Variants in PICALM observed in about 807,000 individuals in gnomAD.
PICALM encodes the protein phosphatidylinositol-binding clathrin assembly protein.
Under a neutral mutation model 80.5 loss-of-function variants are expected in PICALM, and 40 were observed. The observed-to-expected ratio is 0.50, with a 90% CI of 0.39 to 0.65. PICALM has a LOEUF of 0.65. Ranked by LOEUF, PICALM falls within the 30% of genes least tolerant of loss-of-function variation. The pLI is 0.00. For synonymous variants in PICALM, 288 were observed against 260.3 expected (o/e 1.11, Z -1.02); for missense variants, 676 against 778.9 (o/e 0.87, Z 1.57).
At chr11:86,020,832 C>G (rs1406101246) in intron 4 of PICALM, among the ~76,000 whole-genome samples, 3 of 151,924 alleles carry the variant, frequency 2.0e-5, no homozygotes, top group Non-Finnish European at 4.4e-5. Flanking sequence ...ACAATGATTT[C>G]TTAGACATGA....
rs923509116 is a variant in PICALM, at chr11:85,981,280, C to A, written c.1680-52G>T. 6.6e-6 allele frequency: 7 copies of A among 1,063,306 alleles called. No individual in the cohort carries two copies. The African/African-American group carries it at 7.9e-5, about 12-fold the overall frequency. The allele number at this position is 1,063,306 out of a possible 1,614,324, so 65.9% of individuals were successfully genotyped here. On this transcript the variant is annotated intron_variant, in intron 16 of 19. Coordinates refer to ENST00000393346, the MANE Select transcript of PICALM (RefSeq NM_007166.4). The stretch of plus-strand genomic sequence containing the variant: ...TAAATGTCTCTAATTATAAAGTTTC[C>A]TTAGCTATATACTTATATAGAACAG...
chr11:86,041,647 G>A (rs1174239103), intron 1 of PICALM, among the ~76,000 whole-genome samples: 5 of 152,120 alleles, frequency 3.3e-5, no homozygotes, highest in Admixed American at 6.5e-5. Flanking sequence ...CTGAACCCAA[G>A]CCAAATTTAC....
chr11:86,033,269 G>GGT (rs60585705), intron 1 of PICALM, among the ~76,000 whole-genome samples: 91,030 of 151,522 alleles, frequency 0.6, 27,499 homozygotes, highest in East Asian at 0.67. Context: ...CATGGTGCAT[G>GGT]GTGTGTGTGT....
At chr11:86,008,519 C>A (rs553585290) in intron 7 of PICALM, among the ~76,000 whole-genome samples, 1 of 152,028 alleles carries the variant, frequency 6.6e-6, no homozygotes, top group South Asian at 2.1e-4. Flanking sequence ...ACTCAGCAGG[C>A]TGAAGCAGGA....
In PICALM at chr11:85,990,356, T is replaced by C; in HGVS notation, c.1302A>G (p.Pro434=). 1 of 1,608,428 alleles carries C rather than the reference T, an allele frequency of 6.2e-7. No individual in the cohort carries two copies. Among genetic ancestry groups the C allele is most frequent in the Non-Finnish European group, 8.5e-7 (1 of 1,175,440 alleles). Residue 434 remains proline (P), a synonymous_variant, in exon 13 of 20, where the codon CCA becomes CCG. Coordinates refer to ENST00000393346, the MANE Select transcript of PICALM (RefSeq NM_007166.4). The part of the protein sequence containing the change: ...ATVDAVDDAI[P]SLNPFLTKSS... ...TTTTTGTGAGGAAAGGATTTAAGCT[T>C]GGAATGGCATCATCAACAGCATCTA...
chr11:85,996,334 T>C (rs2094959510), intron 12 of PICALM, among the ~76,000 whole-genome samples: 1 of 152,070 alleles, frequency 6.6e-6, no homozygotes, highest in Non-Finnish European at 1.5e-5. Flanking sequence ...AAAAAAACAT[T>C]TAAAACATTT....
chr11:85,987,225 T>C (rs1248870901), intron 13 of PICALM, among the ~76,000 whole-genome samples: 2 of 152,188 alleles, frequency 1.3e-5, no homozygotes, highest in Non-Finnish European at 2.9e-5. Flanking sequence ...ACATAGTTAT[T>C]ATTATCCCTG....
chr11:86,033,339 T>A (rs1354555364), intron 1 of PICALM, among the ~76,000 whole-genome samples: 1 of 152,176 alleles, frequency 6.6e-6, no homozygotes, highest in Non-Finnish European at 1.5e-5. Flanking sequence ...TGTACATATA[T>A]CCATACTATA....
At chr11:85,985,289 T>C (rs12224233) in intron 13 of PICALM, among the ~76,000 whole-genome samples, 32,178 of 152,098 alleles carry the variant, frequency 0.21, 3,782 homozygotes, top group East Asian at 0.48. Flanking sequence ...TGGTGAGATG[T>C]CCAAGAAGGT....
At position 85,969,045 on chromosome 11, in the gene PICALM, G is replaced by A. The variant is rs1040202027; in HGVS notation, c.1944+5663C>T. 3.6e-4 allele frequency among the ~76,000 whole-genome samples: 54 copies of A among 151,106 alleles called. 1 individual carries two copies. The highest frequency in any genetic ancestry group is 5.3e-4 in the Admixed American group (8 of 15,146). ...GAATTCATAAGTTCAAAGCTACAGCGCAGTCTACTGAATTAAAGCCATAAT... is the reference window on the plus strand; with the variant it reads ...GAATTCATAAGTTCAAAGCTACAGCACAGTCTACTGAATTAAAGCCATAAT... On this transcript the variant is annotated intron_variant, in intron 19 of 19. Transcript: ENST00000393346.
At chr11:86,055,822 T>C (rs1367560258) in intron 1 of PICALM, among the ~76,000 whole-genome samples, 5 of 152,054 alleles carry the variant, frequency 3.3e-5, no homozygotes, top group Admixed American at 1.3e-4. Context: ...CTTAGATATA[T>C]CGAAAGCACA....
intron 2 of PICALM, among the ~76,000 whole-genome samples, chr11:86,027,498 G>A (rs1360841401): frequency 6.7e-6 from 1 of 149,884 alleles, no homozygotes; most frequent in Non-Finnish European, 1.5e-5. Context: ...TCTGAAATCA[G>A]TATTTTTTTT....
In PICALM at chr11:85,971,911, T is replaced by C. The variant is rs184145563; in HGVS notation, c.1944+2797A>G. 4.0e-3 allele frequency among the ~76,000 whole-genome samples: 613 copies of C among 152,128 alleles called. 5 individuals carry two copies. Among genetic ancestry groups the C allele is most frequent in the African/African-American group, 0.014 (581 of 41,530 alleles). On this transcript the variant is annotated intron_variant, in intron 19 of 19. Coordinates refer to ENST00000393346, the MANE Select transcript of PICALM (RefSeq NM_007166.4). ...AATTCCCCCACCTCAGCCTCCCAAG[T>C]AGCTGGGATTCCAGACATGCACCAC... is the stretch of plus-strand genomic sequence containing the variant.
chr11:86,051,310 G>C lies in PICALM; in HGVS notation c.130+17341C>G, dbSNP rs544105347. On this transcript the variant is annotated intron_variant, in intron 1 of 19. Coordinates refer to ENST00000393346, the MANE Select transcript of PICALM (RefSeq NM_007166.4). ...TAACAGATTTTTGTGAGGTCATATG[G>C]AGCTAGGGTCAGTACCCTACATTCC... Among the ~76,000 whole-genome samples the C allele has an allele frequency of 2.6e-5, 4 of 152,250 alleles. No homozygotes were observed. The East Asian group carries it at 5.8e-4, about 22-fold the overall frequency.
chr11:86,038,527 A>G (rs1411472803), intron 1 of PICALM, among the ~76,000 whole-genome samples: 3 of 151,942 alleles, frequency 2.0e-5, no homozygotes, highest in African/African-American at 7.3e-5. Context: ...TCACGCCTGG[A>G]ATCCCAGCAC....
intron 4 of PICALM, among the ~76,000 whole-genome samples, chr11:86,019,943 T>C (rs1262637565): frequency 6.6e-6 from 1 of 152,194 alleles, no homozygotes; most frequent in Non-Finnish European, 1.5e-5. Flanking sequence ...TTTCTGTACA[T>C]GCCAGATTCC....
At chr11:86,039,265 T>C (rs904856725) in intron 1 of PICALM, among the ~76,000 whole-genome samples, 1 of 152,116 alleles carries the variant, frequency 6.6e-6, no homozygotes, top group African/African-American at 2.4e-5. Flanking sequence ...CATGGTGACA[T>C]GCACCTGTAG....
At chr11:85,965,802 A>ATTTTTTTTT (rs1202220050) in intron 19 of PICALM, among the ~76,000 whole-genome samples, 3 of 105,756 alleles carry the variant, frequency 2.8e-5, no homozygotes, top group African/African-American at 7.3e-5. Flanking sequence ...TGCATTACCC[A>ATTTTTTTTT]TTTTGTTTTT....
At chr11:86,049,358 T>C (rs1350527647) in intron 1 of PICALM, among the ~76,000 whole-genome samples, 1 of 152,170 alleles carries the variant, frequency 6.6e-6, no homozygotes, top group African/African-American at 2.4e-5. Context: ...AACTATCCAG[T>C]TAACTTATTT....
Sources: gnomAD v4.1 joint callset for allele counts (sites outside exome capture counted in the v4.1 genomes callset) on GRCh38, gnomAD v4.1.1 for gene constraint, MANE v1.5 for transcripts, NCBI Gene and HGNC (gene_info 2026-07-23, HGNC 2026-07-21) for gene names.